The following LGI2 variants were observed in gnomAD, a reference collection of about 807,000 sequenced individuals.
LGI2 encodes the protein leucine-rich repeat LGI family member 2.
A neutral mutation model predicts 52.0 loss-of-function variants in LGI2; 30 were observed. The observed-to-expected ratio is 0.58, with a 90% confidence interval of 0.43 to 0.78. The LOEUF (loss-of-function observed/expected upper bound fraction) is 0.78. Among genes scored for constraint, LGI2 ranks in the 30% least tolerant of loss-of-function variants. LGI2 has a pLI of 0.00. For synonymous variants in LGI2, 270 were observed against 271.8 expected, an observed-to-expected ratio of 0.99 and a Z score of 0.06; for missense variants, 573 against 692.5, an observed-to-expected ratio of 0.83 and a Z score of 1.94.
In LGI2 at chr4:25,030,565, G is replaced by A. The variant is rs1331082333; in HGVS notation, c.129C>T (p.Thr43=). Residue 43 remains threonine, a synonymous_variant, in exon 1 of 8, where the codon ACC becomes ACT. Coordinates refer to ENST00000382114, the MANE Select transcript of LGI2 (RefSeq NM_018176.4). Reference sequence around the variant, plus strand: ...AGCCCACGCAGATGATAGACTCCTTGGTACAGCTGCAAGTGGCGGGGCAGC... The same window carrying A: ...AGCCCACGCAGATGATAGACTCCTTAGTACAGCTGCAAGTGGCGGGGCAGC... The part of the protein sequence containing the change: ...LARCPATCSC[T]KESIICVGSS... 1.3e-6 allele frequency: 2 copies of A among 1,591,908 alleles called. No homozygotes were observed. The highest frequency in any genetic ancestry group is 8.5e-7 in the Non-Finnish European group (1 of 1,171,024).
chr4:24,999,677 C>T lies in LGI2; in HGVS notation c.*3774G>A, dbSNP rs571067044. On this transcript the variant is annotated 3_prime_UTR_variant, in exon 8 of 8. Coordinates refer to ENST00000382114, the MANE Select transcript of LGI2 (RefSeq NM_018176.4). Reference sequence around the variant, plus strand: ...AGATCTTCATCTCACCTTCATTATACCCCAGGCCAGAGAAATTTCCATCAT... The same window carrying T: ...AGATCTTCATCTCACCTTCATTATATCCCAGGCCAGAGAAATTTCCATCAT... 5.5e-4 allele frequency: 208 copies of T among 375,506 alleles called. 2 individuals are homozygous for T. The highest frequency in any genetic ancestry group is 2.9e-3 in the South Asian group (146 of 50,144). The allele number at this position is 375,506 out of a possible 1,614,324, so 23.3% of individuals were successfully genotyped here. A position where few individuals can be genotyped will look rare whatever the true frequency, so the allele number is the denominator to read the frequency against.
chr4:25,024,773 C>A, intron 4 of LGI2, 47 bp downstream of exon 4: 1 of 1,314,168 alleles, frequency 7.6e-7, no homozygotes, highest in Non-Finnish European at 1.1e-6. Context: ...GGAAACCAAT[C>A]TTACTCCACA....
Position 25,003,888 on chromosome 4 carries a change from A to C in LGI2, c.1201T>G (p.Trp401Gly), listed in dbSNP as rs1391111214. The change falls in exon 8 of 8, where the codon TGG (tryptophan) becomes GGG (glycine). Residue 401 changes from tryptophan to glycine, a missense_variant. By Grantham distance (184) the Trp-to-Gly change is radical (BLOSUM62 -2). Coordinates refer to ENST00000382114, the MANE Select transcript of LGI2 (RefSeq NM_018176.4). ...SRSQVPIILQ[W>G]NKSSKKFVPH... ...ACAAACTTCTTAGAGCTTTTATTCCACTGGAGGATGATGGGGACCTGGGAG... is the reference window on the plus strand; with the variant it reads ...ACAAACTTCTTAGAGCTTTTATTCCCCTGGAGGATGATGGGGACCTGGGAG... The C allele has an allele frequency of 1.9e-6, 3 of 1,614,130 alleles. No homozygotes were observed. The Admixed American group carries it at 5.0e-5, about 27-fold the overall frequency.
chr4:25,021,293 T>A (rs1331019117), intron 4 of LGI2, among the ~76,000 whole-genome samples: 1 of 152,200 alleles, frequency 6.6e-6, no homozygotes, highest in Non-Finnish European at 1.5e-5. Context: ...CAGTTCCCTG[T>A]CCCTTGGGCT....
At chr4:25,007,652 A>G (rs1725436190) in intron 7 of LGI2, among the ~76,000 whole-genome samples, 1 of 151,664 alleles carries the variant, frequency 6.6e-6, no homozygotes, top group Non-Finnish European at 1.5e-5. Context: ...AGGTTGGAAC[A>G]TACTTAGCCT....
intron 7 of LGI2, among the ~76,000 whole-genome samples, chr4:25,006,114 A>C (rs900972041): frequency 6.6e-6 from 1 of 152,258 alleles, no homozygotes; most frequent in Non-Finnish European, 1.5e-5. Context: ...CATAGTGGGC[A>C]TGCATAAGTA....
At chr4:25,023,260 C>T (rs1726032763) in intron 4 of LGI2, among the ~76,000 whole-genome samples, 1 of 152,172 alleles carries the variant, frequency 6.6e-6, no homozygotes, top group Non-Finnish European at 1.5e-5. Context: ...TAAATCATGG[C>T]CTTGAGATTT....
chr4:25,019,792 A>T (rs924569881), intron 4 of LGI2, among the ~76,000 whole-genome samples: 2 of 152,138 alleles, frequency 1.3e-5, no homozygotes, highest in Non-Finnish European at 2.9e-5. Context: ...GCCTCTGCAC[A>T]TCTCCCTTCC....
downstream of LGI2, among the ~76,000 whole-genome samples, chr4:24,997,700 A>G (rs1275950572): frequency 6.6e-6 from 1 of 152,088 alleles, no homozygotes; most frequent in East Asian, 1.9e-4. Context: ...TGGTGAACAG[A>G]CCTTAAGGTG....
chr4:24,993,884 G>T (rs1201461715), downstream of LGI2, among the ~76,000 whole-genome samples: 1 of 152,200 alleles, frequency 6.6e-6, no homozygotes, highest in Non-Finnish European at 1.5e-5. Context: ...AATATGTGCA[G>T]AACGTAAATG....
downstream of LGI2, among the ~76,000 whole-genome samples, chr4:24,997,906 C>A (rs976751801): frequency 1.3e-5 from 2 of 152,068 alleles, no homozygotes; most frequent in African/African-American, 4.8e-5. Context: ...AGATGGTAGT[C>A]TCACTCTGAC....
At chr4:25,007,961 AC>A (rs1725446431) in intron 7 of LGI2, among the ~76,000 whole-genome samples, 1 of 152,210 alleles carries the variant, frequency 6.6e-6, no homozygotes, top group South Asian at 2.1e-4. Context: ...GTCCACATTT[AC>A]CTTGTTCTTC....
At chr4:25,020,224 A>G (rs1277450637) in intron 4 of LGI2, among the ~76,000 whole-genome samples, 4 of 152,202 alleles carry the variant, frequency 2.6e-5, no homozygotes, top group Non-Finnish European at 5.9e-5. Context: ...TCACATTAAT[A>G]AAGGTTGACC....
In LGI2 at chr4:25,007,440, G is replaced by A. The variant is rs1443786506; in HGVS notation, c.821-3172C>T. ...CCCTTCTTGAGCACCTGGCTATGGAGGCTACCACCCCCTAGAAGTGTCCTA... is the reference window on the plus strand; with the variant it reads ...CCCTTCTTGAGCACCTGGCTATGGAAGCTACCACCCCCTAGAAGTGTCCTA... On this transcript the variant is annotated intron_variant, in intron 7 of 7. Coordinates refer to ENST00000382114, the MANE Select transcript of LGI2 (RefSeq NM_018176.4). 2.0e-5 allele frequency among the ~76,000 whole-genome samples: 3 copies of A among 152,236 alleles called. No homozygotes were observed. In the South Asian group the frequency reaches 6.2e-4, roughly 32 times the overall value.
rs1725191955 is a variant in LGI2 at position 25,000,053 on chromosome 4, T to C, written c.*3398A>G. On this transcript the variant is annotated 3_prime_UTR_variant, in exon 8 of 8. Transcript: ENST00000382114. The stretch of plus-strand genomic sequence containing the variant: ...AAAATTTCTGGACCACTTTCAAGAG[T>C]GGGGCCTTGAATGTAAAAAGAGTGG... 2 of 297,594 alleles carry C rather than the reference T, an allele frequency of 6.7e-6. No individual in the cohort carries two copies. Among genetic ancestry groups the C allele is most frequent in the Admixed American group, 4.7e-5 (1 of 21,056 alleles). 18.4% of individuals were successfully genotyped at this position (297,594 alleles called of 1,614,324 possible).
At chr4:25,024,214 C>T (rs57449840) in intron 4 of LGI2, among the ~76,000 whole-genome samples, 9,918 of 152,220 alleles carry the variant, frequency 0.065, 377 homozygotes, top group East Asian at 0.12. Flanking sequence ...GTATAAGACC[C>T]ACAATGATTT....
intron 1 of LGI2, 140 bp from the exon 2 acceptor site, chr4:25,028,718 T>G (rs1235098414): frequency 1.5e-6 from 1 of 680,582 alleles, no homozygotes; most frequent in Non-Finnish European, 2.6e-6. Flanking sequence ...GCCCAGGATC[T>G]TCCCCGGGGT....
At chr4:25,014,501 A>G (rs1238556470) in intron 6 of LGI2, among the ~76,000 whole-genome samples, 1 of 123,312 alleles carries the variant, frequency 8.1e-6, no homozygotes, top group Non-Finnish European at 1.6e-5. Flanking sequence ...AAGGAAGGAG[A>G]AGGAGGAAGA....
chr4:25,010,363 A>G lies in LGI2; in HGVS notation c.820+1972T>C, dbSNP rs538214361. Among the ~76,000 whole-genome samples the G allele has an allele frequency of 1.2e-4, 18 of 152,334 alleles. No homozygotes were observed. In the East Asian group the frequency reaches 3.5e-3, roughly 29 times the overall value. On this transcript the variant is annotated intron_variant, in intron 7 of 7. Coordinates refer to ENST00000382114, the MANE Select transcript of LGI2 (RefSeq NM_018176.4). ...GAGAGAAAACCAGTGGGGTACAACC[A>G]TGAGAAACCCTGGGCTCAGCCCTGA...
Sources: gnomAD v4.1 joint callset for allele counts (sites outside exome capture counted in the v4.1 genomes callset) on GRCh38, gnomAD v4.1.1 for gene constraint, MANE v1.5 for transcripts, NCBI Gene and HGNC (gene_info 2026-07-23, HGNC 2026-07-21) for gene names.